The following ATF7IP2 variants were observed in gnomAD, a reference collection of about 807,000 sequenced individuals.
The protein encoded by ATF7IP2 is activating transcription factor 7 interacting protein 2.
A neutral mutation model predicts 64.2 loss-of-function variants in ATF7IP2; 42 were observed. The ratio of observed to expected loss-of-function variants is 0.65; its 90% confidence interval spans 0.51 to 0.85. The LOEUF (loss-of-function observed/expected upper bound fraction) is 0.85, where lower values mean the gene tolerates loss of function less well. ATF7IP2 is among the 40% of genes least tolerant of loss of function. ATF7IP2 has a pLI of 0.00. For synonymous variants in ATF7IP2, 308 were observed against 272.8 expected, an observed-to-expected ratio of 1.13 and a Z score of -1.27; for missense variants, 933 against 784.2, an observed-to-expected ratio of 1.19 and a Z score of -2.27.
rs941032935 is a variant in ATF7IP2 at position 10,430,970 on chromosome 16, A to T, written c.350A>T (p.Gln117Leu). 1 of 1,614,042 alleles carries T rather than the reference A, an allele frequency of 6.2e-7. No individual in the cohort carries two copies. Among genetic ancestry groups the T allele is most frequent in the Non-Finnish European group, 8.5e-7 (1 of 1,180,028 alleles). Residue 117 changes from glutamine to leucine, a missense_variant, in exon 5 of 14, where the codon CAA (glutamine) becomes CTA (leucine). By Grantham distance (113) the Gln-to-Leu change is moderately radical. Transcript: ENST00000562102. Reference sequence around the variant, plus strand: ...TTGGAACAAGTTGTTTGTTCGTACCAAAAGCCAAGTAGAACAACAGAATCC... The same window carrying T: ...TTGGAACAAGTTGTTTGTTCGTACCTAAAGCCAAGTAGAACAACAGAATCC... ...TKLEQVVCSY[Q>L]KPSRTTESPS...
At chr16:10,465,775 T>C (rs1025666582) in intron 9 of ATF7IP2, among the ~76,000 whole-genome samples, 4 of 151,572 alleles carry the variant, frequency 2.6e-5, no homozygotes, top group Non-Finnish European at 2.9e-5. Context: ...AGCAGTTAGT[T>C]GAATAGTTTC....
chr16:10,468,105 C>T (rs1401586696), intron 9 of ATF7IP2, among the ~76,000 whole-genome samples: 1 of 149,696 alleles, frequency 6.7e-6, no homozygotes, highest in Non-Finnish European at 1.5e-5. Context: ...GTCTCGAACT[C>T]CCGACCTCAG....
chr16:10,437,037 T>C (rs1297029836), intron 6 of ATF7IP2, among the ~76,000 whole-genome samples: 1 of 152,094 alleles, frequency 6.6e-6, no homozygotes, highest in Non-Finnish European at 1.5e-5. Flanking sequence ...TTTTTTTTTT[T>C]TGAGACGGAG....
At chr16:10,434,148 A>G (rs2048344791) in intron 6 of ATF7IP2, among the ~76,000 whole-genome samples, 1 of 152,206 alleles carries the variant, frequency 6.6e-6, no homozygotes, top group African/African-American at 2.4e-5. Flanking sequence ...GATATGGTAC[A>G]TTATCTGACA....
At chr16:10,439,260 C>A (rs1249579743) in intron 7 of ATF7IP2, among the ~76,000 whole-genome samples, 4 of 151,930 alleles carry the variant, frequency 2.6e-5, no homozygotes, top group Non-Finnish European at 5.9e-5. Flanking sequence ...GATGGAGTCT[C>A]GCTCTGTCGC....
At chr16:10,398,208 G>A (rs2047456185) in intron 1 of ATF7IP2, among the ~76,000 whole-genome samples, 1 of 151,988 alleles carries the variant, frequency 6.6e-6, no homozygotes, top group East Asian at 1.9e-4. Flanking sequence ...GGAGGCTGAG[G>A]CAGGAGAATT....
At chr16:10,387,948 G>A (rs2047236781) in intron 1 of ATF7IP2, among the ~76,000 whole-genome samples, 1 of 151,488 alleles carries the variant, frequency 6.6e-6, no homozygotes, top group Non-Finnish European at 1.5e-5. Flanking sequence ...TTTGGCTCAG[G>A]CTGGAGTGAA....
intron 7 of ATF7IP2, among the ~76,000 whole-genome samples, chr16:10,438,996 T>C (rs914619850): frequency 1.5e-5 from 2 of 136,946 alleles, no homozygotes; most frequent in South Asian, 2.3e-4. Context: ...GATATTGCAG[T>C]GAGCAGAGAT....
At chr16:10,453,758 C>T (rs1299736027) in intron 8 of ATF7IP2, among the ~76,000 whole-genome samples, 1 of 152,122 alleles carries the variant, frequency 6.6e-6, no homozygotes, top group Non-Finnish European at 1.5e-5. Context: ...GCTGGGATTA[C>T]AGTCATGCGC....
rs770154400 is a variant in ATF7IP2 at position 10,472,119 on chromosome 16, T to C, written c.1362T>C (p.Asp454=). Residue 454 remains aspartate (D), a synonymous_variant, in exon 10 of 14, where the codon GAT becomes GAC. Transcript: ENST00000562102. ...CTTTTTATCATTTTAGTAACAATGA[T>C]GATGTTATGTTGATTTCTGTGGAAA... ...QNKSVSESNN[D]DVMLISVESP... is the part of the protein sequence containing the mutation. The C allele has an allele frequency of 2.6e-5, 40 of 1,543,464 alleles. No homozygotes were observed. The highest frequency in any genetic ancestry group is 3.4e-5 in the Non-Finnish European group (39 of 1,131,572).
At chr16:10,414,005 C>G (rs2047821460) in intron 1 of ATF7IP2, among the ~76,000 whole-genome samples, 1 of 152,130 alleles carries the variant, frequency 6.6e-6, no homozygotes, top group South Asian at 2.1e-4. Context: ...TGCCTTGTAG[C>G]TGATAAGATT....
chr16:10,397,099 G>A lies in ATF7IP2; in HGVS notation c.-242+10977G>A, dbSNP rs113303820. On this transcript the variant is annotated intron_variant, in intron 1 of 13. Transcript: ENST00000562102. ...TCAAAGCAACTATTCTTTCCAAATT[G>A]TATGTTTTGCCATTTGGTTGAAAAT... 4.4e-3 allele frequency among the ~76,000 whole-genome samples: 673 copies of A among 152,234 alleles called. 5 individuals are homozygous for A. The highest frequency in any genetic ancestry group is 0.015 in the African/African-American group (638 of 41,542).
At chr16:10,459,321 A>G (rs1468754061) in intron 9 of ATF7IP2, among the ~76,000 whole-genome samples, 1 of 151,942 alleles carries the variant, frequency 6.6e-6, no homozygotes, top group African/African-American at 2.4e-5. Flanking sequence ...ATAAAAAATT[A>G]GCCGGGCATG....
intron 7 of ATF7IP2, among the ~76,000 whole-genome samples, chr16:10,439,334 T>C (rs1342661332): frequency 1.4e-5 from 2 of 147,430 alleles, no homozygotes; most frequent in African/African-American, 5.0e-5. Context: ...GTTCACACCA[T>C]TCACCTGCCT....
intron 3 of ATF7IP2, among the ~76,000 whole-genome samples, chr16:10,421,383 T>C (rs73514868): frequency 0.02 from 3,082 of 152,228 alleles, 96 homozygotes; most frequent in African/African-American, 0.07. Flanking sequence ...TCCACCTCCT[T>C]TGTTAATTGC....
chr16:10,428,663 A>G lies in ATF7IP2; in HGVS notation c.-159-205A>G, dbSNP rs555127665. ...GTCTCTGGTGCCTGGCACCTGTAAT[A>G]TGTGAGTATTAGAGAAGCCAAAGTG... is the stretch of plus-strand genomic sequence containing the variant. On this transcript the variant is annotated intron_variant, in intron 3 of 13. Coordinates refer to ENST00000562102, the MANE Select transcript of ATF7IP2 (RefSeq NM_001393719.1). Among the ~76,000 whole-genome samples the G allele has an allele frequency of 5.3e-5, 8 of 152,302 alleles. No homozygotes were observed. In the East Asian group the frequency reaches 1.2e-3, roughly 22 times the overall value.
At chr16:10,416,235 G>A (rs1413660674) in intron 2 of ATF7IP2, among the ~76,000 whole-genome samples, 1 of 152,170 alleles carries the variant, frequency 6.6e-6, no homozygotes, top group African/African-American at 2.4e-5. Flanking sequence ...TAAAGAAAAT[G>A]TGGTACATAT....
chr16:10,402,107 T>C (rs2047546955), intron 1 of ATF7IP2, among the ~76,000 whole-genome samples: 1 of 152,172 alleles, frequency 6.6e-6, no homozygotes, highest in Non-Finnish European at 1.5e-5. Context: ...TTAGTTCTGC[T>C]GTGACCTTTA....
chr16:10,473,269 T>C (rs2049874799), intron 10 of ATF7IP2, among the ~76,000 whole-genome samples: 1 of 152,220 alleles, frequency 6.6e-6, no homozygotes, highest in East Asian at 1.9e-4. Flanking sequence ...GTTGCAAAGT[T>C]ACAGAAAGAC....
Sources: allele counts gnomAD v4.1 joint callset (sites outside exome capture counted in the v4.1 genomes callset), GRCh38; gene constraint gnomAD v4.1.1; transcripts MANE v1.5; gene names NCBI Gene and HGNC (gene_info 2026-07-23, HGNC 2026-07-21).